The following DPP10 variants were observed in gnomAD, a reference collection of about 807,000 sequenced individuals.
DPP10 encodes dipeptidyl peptidase like 10.
A neutral mutation model predicts 120.9 loss-of-function variants in DPP10; 33 were observed. That is an observed-to-expected ratio of 0.27 (90% CI 0.21 to 0.37). The LOEUF (loss-of-function observed/expected upper bound fraction) is 0.37, where lower values mean the gene tolerates loss of function less well. Ranked by LOEUF, DPP10 falls within the 10% of genes least tolerant of loss-of-function variation. The probability of loss-of-function intolerance (pLI) is 1.00; values close to 1 mark genes in which losing one functional copy is unlikely to be tolerated. For missense variants in DPP10, 816 were observed against 942.8 expected (o/e 0.87, Z 1.76); for synonymous variants, 337 against 326.1 (o/e 1.03, Z -0.36).
At chr2:115,686,871 G>A (rs984113590) in intron 5 of DPP10, among the ~76,000 whole-genome samples, 1 of 151,942 alleles carries the variant, frequency 6.6e-6, no homozygotes, top group African/African-American at 2.4e-5. Flanking sequence ...TATGAAATTT[G>A]CTTGTCCCCA....
intron 1 of DPP10, among the ~76,000 whole-genome samples, chr2:115,241,050 C>G (rs1374327666): frequency 1.3e-5 from 2 of 152,158 alleles, no homozygotes; most frequent in African/African-American, 4.8e-5. Flanking sequence ...GCAGGCAGAT[C>G]ACGAGGTCAG....
intron 1 of DPP10, among the ~76,000 whole-genome samples, chr2:114,856,173 T>A (rs1689354446): frequency 6.6e-6 from 1 of 152,228 alleles, no homozygotes; most frequent in East Asian, 1.9e-4. Context: ...TTTTTGGTTA[T>A]CAGTGTGATA....
At chr2:114,758,554 T>C (rs1230599401) in intron 1 of DPP10, among the ~76,000 whole-genome samples, 2 of 152,212 alleles carry the variant, frequency 1.3e-5, no homozygotes, top group Non-Finnish European at 2.9e-5. Context: ...ACTCATGACA[T>C]TGTAATAGTA....
intron 3 of DPP10, among the ~76,000 whole-genome samples, chr2:115,385,130 A>G (rs1213334060): frequency 4.6e-5 from 7 of 152,210 alleles, no homozygotes; most frequent in South Asian, 4.1e-4. Context: ...ATTCTCAGTT[A>G]TGTCTTTATC....
At chr2:114,866,787 T>A (rs1468591491) in intron 1 of DPP10, among the ~76,000 whole-genome samples, 1 of 152,214 alleles carries the variant, frequency 6.6e-6, no homozygotes, top group Non-Finnish European at 1.5e-5. Context: ...AGTAAGAATA[T>A]GCTGTGCTTA....
intron 1 of DPP10, among the ~76,000 whole-genome samples, chr2:114,473,458 T>C (rs1158661433): frequency 6.6e-6 from 1 of 152,240 alleles, no homozygotes; most frequent in African/African-American, 2.4e-5. Flanking sequence ...AAATGGCTTG[T>C]TTTTCCTACA....
chr2:115,499,334 G>A (rs113045589), intron 3 of DPP10, among the ~76,000 whole-genome samples, 176 bp from the exon 4 acceptor site: 1 of 152,022 alleles, frequency 6.6e-6, no homozygotes, highest in African/African-American at 2.4e-5. Context: ...CATGTGTTAG[G>A]CGGGCTTCCT....
intron 5 of DPP10, among the ~76,000 whole-genome samples, chr2:115,652,416 TG>T (rs2087875083): frequency 6.6e-6 from 1 of 150,666 alleles, no homozygotes; most frequent in Non-Finnish European, 1.5e-5. Flanking sequence ...TATATGTGTG[TG>T]TGTGTGTGTG....
intron 1 of DPP10, among the ~76,000 whole-genome samples, chr2:115,278,333 A>C (rs1319792851): frequency 4.6e-5 from 7 of 152,192 alleles, no homozygotes; most frequent in Middle Eastern, 3.4e-3. Context: ...CTTTTTCTAG[A>C]GGTTGAGCTC....
intron 5 of DPP10, among the ~76,000 whole-genome samples, chr2:115,629,621 C>T (rs904232475): frequency 3.3e-5 from 5 of 151,652 alleles, no homozygotes; most frequent in East Asian, 3.9e-4. Flanking sequence ...TCTTTTGAGA[C>T]GTGTCTGTTC....
intron 3 of DPP10, among the ~76,000 whole-genome samples, chr2:115,378,803 A>T (rs561149145): frequency 1.0e-3 from 153 of 152,278 alleles, no homozygotes; most frequent in South Asian, 6.0e-3. Context: ...GCATCTATTG[A>T]GATAATCATG....
chr2:115,066,782 C>G (rs1706876500), intron 1 of DPP10: 1 of 151,994 alleles, frequency 6.6e-6, no homozygotes, highest in Admixed American at 6.6e-5. Context: ...CTAACTTTGT[C>G]AAAGTATAAT....
At chr2:115,485,843 T>C (rs191298580) in intron 3 of DPP10, among the ~76,000 whole-genome samples, 66 of 152,284 alleles carry the variant, frequency 4.3e-4, no homozygotes, top group Admixed American at 7.8e-4. Flanking sequence ...CAGCCACTTT[T>C]TCTTTGTATA....
intron 1 of DPP10, among the ~76,000 whole-genome samples, chr2:114,724,272 T>C (rs1032011511): frequency 6.6e-6 from 1 of 152,224 alleles, no homozygotes; most frequent in African/African-American, 2.4e-5. Context: ...AGCCATAAAA[T>C]GCCACACACT....
At chr2:115,381,757 G>A (rs1417472855) in intron 3 of DPP10, among the ~76,000 whole-genome samples, 2 of 151,972 alleles carry the variant, frequency 1.3e-5, no homozygotes, top group Admixed American at 1.3e-4. Context: ...CTGTTTGTTA[G>A]TTTTCCTTTT....
intron 1 of DPP10, among the ~76,000 whole-genome samples, chr2:115,063,259 T>G (rs901580533): frequency 6.6e-6 from 1 of 152,224 alleles, no homozygotes. Context: ...GTAAATTTGT[T>G]TAAGTTTCTC....
chr2:115,054,722 C>A (rs80144028), intron 1 of DPP10, among the ~76,000 whole-genome samples: 2 of 151,908 alleles, frequency 1.3e-5, no homozygotes, highest in African/African-American at 4.8e-5. Context: ...AGCAGCCTGG[C>A]CAATATGCTG....
intron 1 of DPP10, among the ~76,000 whole-genome samples, chr2:114,784,556 G>T (rs575936203): frequency 6.6e-6 from 1 of 152,160 alleles, no homozygotes; most frequent in South Asian, 2.1e-4. Context: ...GCACATGGTT[G>T]ATCCAAACGG....
chr2:114,534,556 C>G (rs1000991705), intron 1 of DPP10, among the ~76,000 whole-genome samples: 2 of 152,196 alleles, frequency 1.3e-5, no homozygotes, highest in Non-Finnish European at 2.9e-5. Flanking sequence ...CCTCCTGTAA[C>G]AGCAGAAATC....
Sources: allele counts gnomAD v4.1 joint callset (sites outside exome capture counted in the v4.1 genomes callset), GRCh38; gene constraint gnomAD v4.1.1; transcripts MANE v1.5; gene names NCBI Gene and HGNC (gene_info 2026-07-23, HGNC 2026-07-21).